FAM171B: variants seen among roughly 807,000 people sequenced by gnomAD.
The protein encoded by FAM171B is protein FAM171B.
Under a neutral mutation model 75.6 loss-of-function variants are expected in FAM171B, and 19 were observed. The observed-to-expected ratio is 0.25, with a 90% CI of 0.18 to 0.37. FAM171B has a LOEUF of 0.37. Ranked by LOEUF, FAM171B falls within the 10% of genes least tolerant of loss-of-function variation. FAM171B has a pLI of 1.00. For synonymous variants in FAM171B, 367 were observed against 361.7 expected, an observed-to-expected ratio of 1.01 and a Z score of -0.17; for missense variants, 848 against 982.4, an observed-to-expected ratio of 0.86 and a Z score of 1.83.
intron 1 of FAM171B, among the ~76,000 whole-genome samples, chr2:186,730,613 T>C (rs1037659071): frequency 1.3e-5 from 2 of 152,230 alleles, no homozygotes; most frequent in African/African-American, 2.4e-5. Context: ...TCATCAAGAC[T>C]TGACCTTTGC....
In FAM171B at chr2:186,753,926, T is replaced by A. The variant is rs1222141948; in HGVS notation, c.896-7T>A. 6.2e-7 allele frequency: 1 copy of A among 1,609,688 alleles called. No homozygotes were observed. Among genetic ancestry groups the A allele is most frequent in the East Asian group, 2.2e-5 (1 of 44,758 alleles). On this transcript the variant is annotated splice_region_variant and splice_polypyrimidine_tract_variant and intron_variant, in intron 5 of 7. Coordinates refer to ENST00000304698, the MANE Select transcript of FAM171B (RefSeq NM_177454.4). ...CTGTAACAAGTATTTTTTACATACC[T>A]TTTTAGGTGCTTGGGTAAATCATGG... is the stretch of plus-strand genomic sequence containing the variant.
chr2:186,702,604 T>C (rs904091650), intron 1 of FAM171B, among the ~76,000 whole-genome samples: 2 of 152,196 alleles, frequency 1.3e-5, no homozygotes, highest in African/African-American at 4.8e-5. Flanking sequence ...TTGTTAATAA[T>C]GTCTGTGAAT....
At chr2:186,761,355 AT>A (rs1690612351) in intron 7 of FAM171B, 119 bp downstream of exon 7, 4 of 1,441,548 alleles carry the variant, frequency 2.8e-6, no homozygotes, top group Non-Finnish European at 3.7e-6. Flanking sequence ...ATCCTTTTTT[AT>A]TTTTAATCTA....
chr2:186,743,350 A>G, intron 2 of FAM171B, 133 bp from the exon 3 acceptor site: 1 of 600,158 alleles, frequency 1.7e-6, no homozygotes. Flanking sequence ...TTTGTTTTGA[A>G]TTGCTCTTCC....
intron 1 of FAM171B, among the ~76,000 whole-genome samples, chr2:186,719,093 C>G (rs2105778039): frequency 6.6e-6 from 1 of 152,248 alleles, no homozygotes; most frequent in East Asian, 1.9e-4. Flanking sequence ...TGTTAAATTA[C>G]AGGGAAAACC....
intron 5 of FAM171B, 147 bp from the exon 6 acceptor site, chr2:186,753,781 CTATAT>C: frequency 7.7e-6 from 4 of 518,376 alleles, no homozygotes; most frequent in Non-Finnish European, 1.4e-5. Flanking sequence ...ACAGTATATA[CTATAT>C]TATAATATGA....
intron 2 of FAM171B, among the ~76,000 whole-genome samples, chr2:186,742,054 A>G (rs1246336773): frequency 6.6e-6 from 1 of 152,142 alleles, no homozygotes; most frequent in Non-Finnish European, 1.5e-5. Flanking sequence ...GCAGGGTAAC[A>G]GTATTCTGTA....
intron 1 of FAM171B, among the ~76,000 whole-genome samples, chr2:186,709,022 G>A (rs1376097993): frequency 1.3e-5 from 2 of 152,168 alleles, no homozygotes; most frequent in African/African-American, 2.4e-5. Context: ...TTCTGAGGAG[G>A]CCTCAGGGAG....
chr2:186,750,460 T>C (rs2105789549), intron 4 of FAM171B, among the ~76,000 whole-genome samples: 1 of 152,342 alleles, frequency 6.6e-6, no homozygotes, highest in African/African-American at 2.4e-5. Flanking sequence ...TAGTATTATA[T>C]TTAAAATCTA....
chr2:186,714,624 G>C (rs1689851291), intron 1 of FAM171B, among the ~76,000 whole-genome samples: 1 of 152,248 alleles, frequency 6.6e-6, no homozygotes, highest in Middle Eastern at 3.4e-3. Flanking sequence ...AAATCAGAGT[G>C]TTATATAGGA....
In FAM171B at chr2:186,762,593, A is replaced by G; in HGVS notation, c.2251A>G (p.Thr751Ala). 1.2e-6 allele frequency: 2 copies of G among 1,613,404 alleles called. No homozygotes were observed. Among genetic ancestry groups the G allele is most frequent in the South Asian group, 1.1e-5 (1 of 91,064 alleles). Reference sequence around the variant, plus strand: ...CCTAAGCAGCAGTGAGAGTGGAACCACCGTCTGTTCCCCTGAGGACCCAGC... The same window carrying G: ...CCTAAGCAGCAGTGAGAGTGGAACCGCCGTCTGTTCCCCTGAGGACCCAGC... ...LDLSSSESGT[T>A]VCSPEDPALR... Residue 751 changes from threonine (T) to alanine (A), a missense_variant, in exon 8 of 8, where the codon ACC becomes GCC. Physicochemically the swap from Thr to Ala is moderately conservative, Grantham distance 58. Transcript: ENST00000304698. This position sits in a 1 kb window ranked among gnomAD's most constrained non-coding sequence, Gnocchi z 4.0.
intron 1 of FAM171B, among the ~76,000 whole-genome samples, chr2:186,694,963 T>C (rs1366143732): frequency 6.6e-6 from 1 of 152,202 alleles, no homozygotes; most frequent in African/African-American, 2.4e-5. Flanking sequence ...TTTATTTCTC[T>C]TTCTCTTTAC....
intron 1 of FAM171B, among the ~76,000 whole-genome samples, chr2:186,722,427 TA>T (rs559628516): frequency 1.4e-4 from 21 of 151,864 alleles, no homozygotes; most frequent in Non-Finnish European, 2.2e-4. Flanking sequence ...AATAGGTACT[TA>T]AAAAAAAGGG....
chr2:186,714,869 C>T (rs543137495), intron 1 of FAM171B, among the ~76,000 whole-genome samples: 4 of 152,162 alleles, frequency 2.6e-5, no homozygotes, highest in Admixed American at 6.5e-5. Flanking sequence ...ATAAGGCAGC[C>T]GTGTCTAGAT....
chr2:186,716,137 T>G (rs368688797), intron 1 of FAM171B, among the ~76,000 whole-genome samples: 10 of 152,104 alleles, frequency 6.6e-5, no homozygotes, highest in African/African-American at 2.2e-4. Context: ...CTCAGCATCC[T>G]CAGTAGCTGG....
intron 1 of FAM171B, among the ~76,000 whole-genome samples, chr2:186,705,886 A>C (rs1416235046): frequency 6.6e-6 from 1 of 152,196 alleles, no homozygotes; most frequent in Non-Finnish European, 1.5e-5. Flanking sequence ...ATATCTTCTG[A>C]TAAATCGCAT....
intron 1 of FAM171B, among the ~76,000 whole-genome samples, chr2:186,717,064 G>A (rs765934559): frequency 2.0e-5 from 3 of 152,056 alleles, no homozygotes; most frequent in African/African-American, 2.4e-5. Flanking sequence ...AAATGGAGCC[G>A]GGATTAGAAC....
rs1178811575 is a variant in FAM171B at position 186,764,003 on chromosome 2, T to C, written c.*1180T>C. The C allele has an allele frequency of 6.6e-6, 1 of 152,092 alleles. No homozygotes were observed. Among genetic ancestry groups the C allele is most frequent in the Non-Finnish European group, 1.5e-5 (1 of 67,974 alleles). 9.4% of individuals were successfully genotyped at this position (152,092 alleles called of 1,614,324 possible). On this transcript the variant is annotated 3_prime_UTR_variant, in exon 8 of 8. Transcript: ENST00000304698. ...CTTCTTTTTTCAGTTTTGTAAGTAA[T>C]ATATCTATGTTCTTTTCATTATAGC...
At chr2:186,758,733 A>G (rs991044798) in intron 6 of FAM171B, among the ~76,000 whole-genome samples, 1 of 152,054 alleles carries the variant, frequency 6.6e-6, no homozygotes, top group African/African-American at 2.4e-5. Context: ...GGGGTACATG[A>G]GCTATTTTGA....
Sources: allele counts gnomAD v4.1 joint callset (sites outside exome capture counted in the v4.1 genomes callset), GRCh38; gene constraint gnomAD v4.1.1; non-coding constraint Gnocchi (gnomAD v3.1); transcripts MANE v1.5; gene names NCBI Gene and HGNC (gene_info 2026-07-23, HGNC 2026-07-21).